Variants in TRPM5 observed in about 807,000 individuals in gnomAD.
The protein encoded by TRPM5 is transient receptor potential cation channel subfamily M member 5.
Under a neutral mutation model 124.9 loss-of-function variants are expected in TRPM5, and 121 were observed. That is an observed-to-expected ratio of 0.97 (90% confidence interval 0.84 to 1.13). TRPM5 has a LOEUF of 1.13. Ranked by LOEUF, TRPM5 falls within the 50% of genes most tolerant of loss-of-function variation. The pLI, the probability that TRPM5 is intolerant of heterozygous loss-of-function variation, is 0.00. For missense variants in TRPM5, 1,643 were observed against 1,589.1 expected (o/e 1.03, Z -0.58); for synonymous variants, 781 against 700.5 (o/e 1.11, Z -1.81).
chr11:2,416,169 TG>T (rs1845672670), intron 7 of TRPM5, 145 bp from the exon 13 acceptor site: 2 of 607,414 alleles, frequency 3.3e-6, no homozygotes, highest in Admixed American at 5.4e-5. Context: ...GCGCCACCTC[TG>T]AGCACCAGCA....
upstream of TRPM5, among the ~76,000 whole-genome samples, chr11:2,424,286 A>G (rs987020508): frequency 3.3e-5 from 5 of 152,060 alleles, no homozygotes; most frequent in African/African-American, 7.2e-5. Context: ...AGTTGGGGGG[A>G]ACTTCAGAGA....
chr11:2,406,042 G>A lies in TRPM5; in HGVS notation c.3301C>T (p.Arg1101Cys), dbSNP rs142372288. ...GCCTGTGACTCCAGACACTTGATGC[G>A]CTTTTCTTGCTCTCTCAGACCCCCG... The change falls in exon 22 of 24, where the codon CGC (arginine) becomes TGC (cysteine). Residue 1101 changes from arginine (R) to cysteine (C), a missense_variant. Transcript: ENST00000155858. 2.7e-5 allele frequency: 43 copies of A among 1,612,138 alleles called. No homozygotes were observed. Among genetic ancestry groups the A allele is most frequent in the East Asian group, 1.1e-4 (5 of 44,874 alleles).
chr11:2,432,704 AG>A, the TRPM5 span, among the ~76,000 whole-genome samples: 52 of 152,334 alleles, frequency 3.4e-4, no homozygotes, highest in South Asian at 3.1e-3. Flanking sequence ...TTTGTCTTAG[AG>A]GGGAGAAACC....
the TRPM5 span, among the ~76,000 whole-genome samples, chr11:2,440,076 G>T: frequency 2.6e-5 from 4 of 152,170 alleles, 1 homozygote; most frequent in South Asian, 8.3e-4. This position sits in a 1 kb window ranked among gnomAD's most constrained non-coding sequence, Gnocchi z 5.2. Context: ...ATTAACTGAG[G>T]AACGGAAAAC....
exon 18 of TRPM5, chr11:2,411,452 C>T: frequency 6.2e-7 from 1 of 1,612,276 alleles, no homozygotes; most frequent in South Asian, 1.1e-5. Flanking sequence ...GGGGGTGCAG[C>T]AGCGCCTGGG....
chr11:2,435,759 A>G, the TRPM5 span, among the ~76,000 whole-genome samples: 2 of 151,648 alleles, frequency 1.3e-5, no homozygotes, highest in Admixed American at 6.6e-5. The surrounding 1 kb of genome is among the most constrained non-coding windows in gnomAD (Gnocchi z 4.1). Context: ...CTGTCCACCC[A>G]CCCACCCATC....
chr11:2,444,374 C>G, the TRPM5 span, among the ~76,000 whole-genome samples: 2 of 151,596 alleles, frequency 1.3e-5, no homozygotes, highest in Admixed American at 6.6e-5. Context: ...GGCACCCTAC[C>G]CCGCCCCTCC....
intron 18 of TRPM5, chr11:2,410,727 C>G (rs1472653878): frequency 4.4e-6 from 2 of 455,134 alleles, no homozygotes; most frequent in Non-Finnish European, 8.8e-6. Context: ...CAGCCAGCTA[C>G]AGGGGTCGGC....
chr11:2,417,002 G>A (rs541578587), intron 7 of TRPM5, among the ~76,000 whole-genome samples: 4 of 152,306 alleles, frequency 2.6e-5, no homozygotes, highest in South Asian at 2.1e-4. Context: ...CGAAATGCCC[G>A]TCAGCAAATC....
the TRPM5 span, among the ~76,000 whole-genome samples, chr11:2,432,550 C>A: frequency 6.6e-6 from 1 of 152,264 alleles, no homozygotes; most frequent in East Asian, 1.9e-4. Context: ...TGAGCCGTCC[C>A]TGACCGGGGT....
At chr11:2,413,423 C>T (rs1589869923) in intron 13 of TRPM5, 53 bp downstream of exon 18, 38 of 1,514,112 alleles carry the variant, frequency 2.5e-5, no homozygotes, top group Middle Eastern at 3.6e-4. Flanking sequence ...CCCGTAGCTC[C>T]GGCACTCGCA....
chr11:2,439,226 A>G, the TRPM5 span, among the ~76,000 whole-genome samples: 16 of 152,266 alleles, frequency 1.1e-4, no homozygotes, highest in Non-Finnish European at 2.1e-4. Context: ...TAAGACTACT[A>G]AGAGAAAACA....
At chr11:2,409,271 C>T (rs944925917) in intron 18 of TRPM5, among the ~76,000 whole-genome samples, 3 of 152,210 alleles carry the variant, frequency 2.0e-5, no homozygotes, top group Non-Finnish European at 2.9e-5. Context: ...TGTTCCTGGG[C>T]AGACTGATGA....
At chr11:2,442,383 ACAC>A in the TRPM5 span, among the ~76,000 whole-genome samples, 1 of 90,918 alleles carries the variant, frequency 1.1e-5, no homozygotes, top group African/African-American at 9.5e-5. This position sits in a 1 kb window ranked among gnomAD's most constrained non-coding sequence, Gnocchi z 5.9. Context: ...TGATACACAC[ACAC>A]ACACACACAC....
intron 3 of TRPM5, 49 bp from the exon 9 acceptor site, chr11:2,420,454 G>GC: frequency 1.4e-6 from 2 of 1,469,264 alleles, no homozygotes; most frequent in South Asian, 1.2e-5. Context: ...GGCAGCTTGG[G>GC]CTGGTCCCGC....
At chr11:2,423,113 G>C, upstream of TRPM5, 1 of 1,249,868 alleles carries the variant, frequency 8.0e-7, no homozygotes, top group Non-Finnish European at 1.1e-6. Context: ...TCCCCTCAGG[G>C]GGCTGGCTCT....
exon 14 of TRPM5, chr11:2,413,135 G>A (rs775413241): frequency 1.2e-5 from 18 of 1,553,338 alleles, no homozygotes; most frequent in Middle Eastern, 1.7e-4. Flanking sequence ...GCCTCGCACC[G>A]GCTCTGCAGG....
Position 2,420,995 on chromosome 11 carries a change from C to T in TRPM5, c.465+37G>A, listed in dbSNP as rs116824222. 416 of 1,511,360 alleles carry T rather than the reference C, an allele frequency of 2.8e-4. 1 individual carries two copies. In the African/African-American group the frequency reaches 5.3e-3, roughly 19 times the overall value. The allele number at this position is 1,511,360 out of a possible 1,614,324, so 93.6% of individuals were successfully genotyped here. A position where few individuals can be genotyped will look rare whatever the true frequency, so the allele number is the denominator to read the frequency against. ...ACCCTTCTGAGCCCCTGCCTCCAGG[C>T]CCCCAGCGGTCGTGGTGCTGGGAGC... On this transcript the variant is annotated intron_variant, in intron 3 of 23. Coordinates refer to ENST00000155858, the Ensembl canonical transcript of TRPM5.
chr11:2,412,673 C>T (rs915277359), intron 15 of TRPM5, 81 bp downstream of exon 20: 1 of 1,421,678 alleles, frequency 7.0e-7, no homozygotes, highest in African/African-American at 1.4e-5. Context: ...GGAGCCCCAC[C>T]CTGCGAGGGC....
Sources: gnomAD v4.1 joint callset for allele counts (sites outside exome capture counted in the v4.1 genomes callset) on GRCh38, gnomAD v4.1.1 for gene constraint, Gnocchi (gnomAD v3.1) non-coding constraint, MANE v1.5 for transcripts, NCBI Gene and HGNC (gene_info 2026-07-23, HGNC 2026-07-21) for gene names.